Variants in EXT1 observed in about 807,000 individuals in gnomAD.
EXT1 encodes exostosin glycosyltransferase 1, also known as exostosin-1.
In EXT1, 20 loss-of-function variants were observed where a neutral mutation model predicts 82.5. The ratio of observed to expected loss-of-function variants is 0.24; its 90% CI spans 0.17 to 0.35. EXT1 has a LOEUF of 0.35. EXT1 is among the 10% of genes least tolerant of loss of function. EXT1 has a pLI of 1.00. For missense variants in EXT1, 757 were observed against 936.5 expected, an observed-to-expected ratio of 0.81 and a Z score of 2.50; for synonymous variants, 348 against 350.8, an observed-to-expected ratio of 0.99 and a Z score of 0.09.
At position 117,812,911 on chromosome 8, in the gene EXT1, C is replaced by G; in HGVS notation, c.1683G>C (p.Val561=). Residue 561 remains valine, a synonymous_variant, in exon 8 of 11, where the codon GTG becomes GTC. Coordinates refer to ENST00000378204, the MANE Select transcript of EXT1 (RefSeq NM_000127.3). The stretch of plus-strand genomic sequence containing the variant: ...GCACCGTGTCCTCGTCAAGGCTGAG[C>G]ACGGCGTCTGTGATGATGTTGTCGT... ...LPYDNIITDA[V]LSLDEDTVLS... The G allele has an allele frequency of 6.2e-7, 1 of 1,614,022 alleles. No individual in the cohort carries two copies. The highest frequency in any genetic ancestry group is 1.3e-5 in the African/African-American group (1 of 75,024).
chr8:117,870,510 T>C (rs887002493), intron 1 of EXT1, among the ~76,000 whole-genome samples: 1 of 152,126 alleles, frequency 6.6e-6, no homozygotes, highest in Non-Finnish European at 1.5e-5. Flanking sequence ...CTGATGTTGA[T>C]CTTGGGTGCA....
intron 1 of EXT1, among the ~76,000 whole-genome samples, chr8:117,997,260 T>C (rs1031778428): frequency 3.2e-5 from 4 of 124,150 alleles, no homozygotes; most frequent in South Asian, 2.6e-4. Context: ...TATATATATA[T>C]ATACACACTT....
At chr8:118,065,966 T>G (rs1337948483) in intron 1 of EXT1, among the ~76,000 whole-genome samples, 1 of 152,228 alleles carries the variant, frequency 6.6e-6, no homozygotes, top group Non-Finnish European at 1.5e-5. Context: ...GAGAAGAAAC[T>G]GGACACAAAA....
At chr8:118,012,486 A>C (rs1010603293) in intron 1 of EXT1, among the ~76,000 whole-genome samples, 2 of 152,196 alleles carry the variant, frequency 1.3e-5, no homozygotes, top group Admixed American at 1.3e-4. Flanking sequence ...GATTTCCACA[A>C]GGCCACCCGA....
At chr8:117,905,613 T>C (rs6982505) in intron 1 of EXT1, among the ~76,000 whole-genome samples, 46,703 of 151,716 alleles carry the variant, frequency 0.31, 7,503 homozygotes, top group East Asian at 0.37. Context: ...GAGATCGAGA[T>C]CATCCTGGCT....
chr8:117,922,846 G>A (rs542344692), intron 1 of EXT1, among the ~76,000 whole-genome samples: 6 of 152,226 alleles, frequency 3.9e-5, no homozygotes, highest in East Asian at 3.9e-4. Context: ...TTCTGGTTGA[G>A]TTAACCAGTT....
intron 1 of EXT1, among the ~76,000 whole-genome samples, chr8:117,844,859 T>C (rs1241655168): frequency 1.3e-5 from 2 of 151,774 alleles, no homozygotes; most frequent in East Asian, 3.9e-4. Context: ...TATTTGGAGG[T>C]GGTACAATTC....
chr8:118,014,657 C>T (rs1815968432), intron 1 of EXT1, among the ~76,000 whole-genome samples: 1 of 152,020 alleles, frequency 6.6e-6, no homozygotes, highest in African/African-American at 2.4e-5. Context: ...CCAGGCTGGT[C>T]TTAAATGCCT....
At chr8:117,992,437 C>CT (rs1182478498) in intron 1 of EXT1, among the ~76,000 whole-genome samples, 1 of 105,008 alleles carries the variant, frequency 9.5e-6, no homozygotes, top group Non-Finnish European at 1.8e-5. Flanking sequence ...TTTCAACTAG[C>CT]TAAAAAAAAA....
chr8:118,027,046 G>C, intron 1 of EXT1, among the ~76,000 whole-genome samples: 1 of 152,116 alleles, frequency 6.6e-6, no homozygotes, highest in East Asian at 1.9e-4. Context: ...TTTGAGCCCA[G>C]CCTGGGCAAC....
chr8:118,096,916 A>G (rs965399110), intron 1 of EXT1, among the ~76,000 whole-genome samples: 3 of 152,212 alleles, frequency 2.0e-5, no homozygotes, highest in African/African-American at 7.2e-5. Context: ...CAACAGTAGT[A>G]ACATTCCCTT....
chr8:117,980,730 T>TCCCAG (rs1815179950), intron 1 of EXT1, among the ~76,000 whole-genome samples: 1 of 145,308 alleles, frequency 6.9e-6, no homozygotes, highest in African/African-American at 2.6e-5. Flanking sequence ...TTTTTTTTTT[T>TCCCAG]TCCAGTGTGA....
intron 1 of EXT1, among the ~76,000 whole-genome samples, chr8:117,972,371 G>A (rs1247855409): frequency 6.6e-6 from 1 of 152,130 alleles, no homozygotes; most frequent in Non-Finnish European, 1.5e-5. Flanking sequence ...TGTGGCAAGG[G>A]TGCTGGGCAC....
rs535603050 is a variant in EXT1, at chr8:117,933,472, G to A, written c.963-96271C>T. On this transcript the variant is annotated intron_variant, in intron 1 of 10. Transcript: ENST00000378204. ...TGTTAGGCAGGCTGTTCTCCAAATC[G>A]TGACCTCAAGGGATCCACCGGCCTT... Among the ~76,000 whole-genome samples, 3 of 152,156 alleles carry A rather than the reference G, an allele frequency of 2.0e-5. No homozygotes were observed. The East Asian group carries it at 5.8e-4, about 29-fold the overall frequency.
intron 1 of EXT1, among the ~76,000 whole-genome samples, chr8:117,984,449 C>CAAAAAAAA (rs368857333): frequency 9.2e-5 from 12 of 130,954 alleles, no homozygotes; most frequent in Admixed American, 1.5e-4. Flanking sequence ...CAAAACAAAA[C>CAAAAAAAA]AAAAAAAAAA....
chr8:117,969,892 AC>A (rs1814903833), intron 1 of EXT1, among the ~76,000 whole-genome samples: 1 of 152,246 alleles, frequency 6.6e-6, no homozygotes, highest in Non-Finnish European at 1.5e-5. Context: ...AGGGTCACTG[AC>A]AGGATTGAAA....
intron 1 of EXT1, among the ~76,000 whole-genome samples, chr8:117,933,511 G>T (rs1479768378): frequency 1.3e-5 from 2 of 152,174 alleles, no homozygotes; most frequent in Admixed American, 1.3e-4. Context: ...CTCCCAAAAT[G>T]TTGGGATTAC....
intron 1 of EXT1, among the ~76,000 whole-genome samples, chr8:117,844,168 T>TA (rs1554580589): frequency 2.0e-5 from 3 of 149,420 alleles, no homozygotes; most frequent in Non-Finnish European, 3.0e-5. Flanking sequence ...TTATTATTAT[T>TA]TTGAGACAAG....
intron 1 of EXT1, among the ~76,000 whole-genome samples, chr8:118,071,680 C>A (rs1817097834): frequency 6.6e-6 from 1 of 152,174 alleles, no homozygotes; most frequent in Admixed American, 6.5e-5. Context: ...CTTCTATCCA[C>A]CCATTCTACA....
Sources: gnomAD v4.1 joint callset for allele counts (sites outside exome capture counted in the v4.1 genomes callset) on GRCh38, gnomAD v4.1.1 for gene constraint, MANE v1.5 for transcripts, NCBI Gene and HGNC (gene_info 2026-07-23, HGNC 2026-07-21) for gene names.